PSD3: variants seen among roughly 807,000 people sequenced by gnomAD.
PSD3 encodes the protein pleckstrin and Sec7 domain containing 3.
PSD3 carries 49 observed loss-of-function variants against 105.5 expected under a neutral mutation model. The observed-to-expected ratio is 0.46, with a 90% CI of 0.37 to 0.59. The LOEUF (loss-of-function observed/expected upper bound fraction) is 0.59, where lower values mean the gene tolerates loss of function less well. Ranked by LOEUF, PSD3 falls within the 20% of genes least tolerant of loss-of-function variation. PSD3 has a pLI of 0.00. For missense variants in PSD3, 1,561 were observed against 1,263.8 expected, an observed-to-expected ratio of 1.24 and a Z score of -3.57; for synonymous variants, 557 against 457.8, an observed-to-expected ratio of 1.22 and a Z score of -2.77.
At chr8:19,038,254 C>T (rs2129476582) in intron 1 of PSD3, among the ~76,000 whole-genome samples, 1 of 152,264 alleles carries the variant, frequency 6.6e-6, no homozygotes, top group Non-Finnish European at 1.5e-5. Context: ...TTCCAGAGCT[C>T]CTCTCATCCC....
intron 1 of PSD3, among the ~76,000 whole-genome samples, chr8:18,971,953 C>T (rs1025411992): frequency 2.0e-5 from 3 of 151,754 alleles, no homozygotes; most frequent in South Asian, 2.1e-4. Flanking sequence ...TGCAGTGAGC[C>T]GAGATCACGC....
chr8:18,829,488 C>A (rs918078638), intron 4 of PSD3, among the ~76,000 whole-genome samples: 4 of 152,158 alleles, frequency 2.6e-5, no homozygotes, highest in African/African-American at 9.7e-5. Flanking sequence ...CCATCAACGC[C>A]CTAGCATGCT....
chr8:18,883,217 T>C (rs1316020680), intron 2 of PSD3, among the ~76,000 whole-genome samples: 4 of 152,206 alleles, frequency 2.6e-5, no homozygotes, highest in Non-Finnish European at 5.9e-5. Flanking sequence ...TCATTCTGAT[T>C]ACATTTAATG....
chr8:18,949,277 ATT>A (rs1491352234), intron 1 of PSD3, among the ~76,000 whole-genome samples: 29 of 115,158 alleles, frequency 2.5e-4, no homozygotes, highest in Non-Finnish European at 3.3e-4. Flanking sequence ...ATATATATAT[ATT>A]TATAGTTTTC....
chr8:18,637,408 C>A (rs189427120), intron 10 of PSD3, among the ~76,000 whole-genome samples: 55 of 152,032 alleles, frequency 3.6e-4, no homozygotes, highest in African/African-American at 1.3e-3. Flanking sequence ...AGTCATGTAC[C>A]CACTACAATG....
rs778493962 is a variant in PSD3, at chr8:18,632,723, A to G, written c.2300T>C (p.Ile767Thr). ...NGTHPKTISR[I>T]GSTTNPFLDI... ...CAAAAATGGGTTAGTAGTACTTCCA[A>G]TACGACTGATGGTCTTTGGATGTGT... Residue 767 changes from isoleucine (I) to threonine (T), a missense_variant, in exon 11 of 16, where the codon ATT becomes ACT. Coordinates refer to ENST00000327040, the MANE Select transcript of PSD3 (RefSeq NM_015310.4). 6 of 1,608,790 alleles carry G rather than the reference A, an allele frequency of 3.7e-6. No individual in the cohort carries two copies. The Admixed American group carries it at 5.0e-5, about 13-fold the overall frequency.
intron 6 of PSD3, chr8:18,803,352 A>C (rs1415153801): frequency 6.7e-6 from 1 of 149,336 alleles, no homozygotes; most frequent in Non-Finnish European, 1.5e-5. Flanking sequence ...GCAAATACTT[A>C]GGAAAAAAAT....
chr8:18,974,409 G>GACC (rs10683781), intron 1 of PSD3, among the ~76,000 whole-genome samples: 152,240 of 152,316 alleles, frequency 1, 76,082 homozygotes, highest in Middle Eastern at 1. Context: ...CTCTGAAACT[G>GACC]ACATTTCCCA....
chr8:18,801,482 A>G (rs1485055990), intron 6 of PSD3, 100 bp from the exon 7 acceptor site: 8 of 664,454 alleles, frequency 1.2e-5, no homozygotes, highest in Admixed American at 3.1e-5. Flanking sequence ...GATATTAATT[A>G]TACAAAGTAA....
At chr8:19,058,123 T>C (rs976859737) in intron 1 of PSD3, among the ~76,000 whole-genome samples, 7 of 152,298 alleles carry the variant, frequency 4.6e-5, no homozygotes, top group African/African-American at 1.4e-4. Context: ...AAACTGTTGA[T>C]ACATGAAATA....
At position 18,998,247 on chromosome 8, in the gene PSD3, C is replaced by T. The variant is rs369469920; in HGVS notation, c.21+15316G>A. ...AGATACCGTGGAAAAGACAAAGCTGCGCCAATTTGATAATTAAATTAACCA... is the reference window on the plus strand; with the variant it reads ...AGATACCGTGGAAAAGACAAAGCTGTGCCAATTTGATAATTAAATTAACCA... On this transcript the variant is annotated intron_variant, in intron 1 of 15. Coordinates refer to ENST00000327040, the MANE Select transcript of PSD3 (RefSeq NM_015310.4). 9.9e-5 allele frequency among the ~76,000 whole-genome samples: 15 copies of T among 152,058 alleles called. No individual in the cohort carries two copies. The East Asian group carries it at 1.2e-3, about 12-fold the overall frequency.
intron 1 of PSD3, among the ~76,000 whole-genome samples, chr8:18,948,707 A>C (rs1823014472): frequency 6.6e-6 from 1 of 152,208 alleles, no homozygotes; most frequent in African/African-American, 2.4e-5. Flanking sequence ...AGTCACCTAA[A>C]TCTGCTTTGC....
At chr8:18,861,253 G>C (rs1816415391) in intron 4 of PSD3, among the ~76,000 whole-genome samples, 1 of 152,116 alleles carries the variant, frequency 6.6e-6, no homozygotes, top group Admixed American at 6.6e-5. Context: ...ACACAGAAGA[G>C]CTTCCAGGAA....
chr8:18,625,583 C>T (rs2130735369), intron 11 of PSD3, among the ~76,000 whole-genome samples: 1 of 152,328 alleles, frequency 6.6e-6, no homozygotes, highest in African/African-American at 2.4e-5. Context: ...ATACATGCTA[C>T]ACAGTGACAG....
chr8:18,812,950 G>T (rs889799896), intron 4 of PSD3, among the ~76,000 whole-genome samples: 2 of 152,140 alleles, frequency 1.3e-5, no homozygotes, highest in African/African-American at 4.8e-5. Flanking sequence ...TTGGGTTTTG[G>T]TAAGATCAGT....
intron 14 of PSD3, among the ~76,000 whole-genome samples, chr8:18,561,879 G>T (rs1279296543): frequency 6.6e-6 from 1 of 152,126 alleles, no homozygotes; most frequent in Non-Finnish European, 1.5e-5. Flanking sequence ...GGGCTGACTT[G>T]GAGTTACAGT....
At chr8:18,668,303 A>G (rs1563157678) in intron 9 of PSD3, among the ~76,000 whole-genome samples, 1 of 152,230 alleles carries the variant, frequency 6.6e-6, no homozygotes, top group Non-Finnish European at 1.5e-5. Context: ...AAACACGGCA[A>G]AATTTCCAAT....
chr8:18,551,256 G>C (rs1025339157), intron 15 of PSD3, among the ~76,000 whole-genome samples: 3 of 152,124 alleles, frequency 2.0e-5, no homozygotes, highest in African/African-American at 7.2e-5. Flanking sequence ...ACCAGAAAGT[G>C]TTCTCCAAAG....
At chr8:18,738,413 A>G (rs1231952979) in intron 9 of PSD3, among the ~76,000 whole-genome samples, 1 of 152,184 alleles carries the variant, frequency 6.6e-6, no homozygotes, top group Non-Finnish European at 1.5e-5. Flanking sequence ...ATGTTCTATG[A>G]TGAGATAACA....
Sources: gnomAD v4.1 joint callset for allele counts (sites outside exome capture counted in the v4.1 genomes callset) on GRCh38, gnomAD v4.1.1 for gene constraint, MANE v1.5 for transcripts, NCBI Gene and HGNC (gene_info 2026-07-23, HGNC 2026-07-21) for gene names.